The following COA6 variants were observed in gnomAD, a reference collection of about 807,000 sequenced individuals.
COA6 encodes cytochrome c oxidase assembly factor 6 homolog.
Under a neutral mutation model 17.1 loss-of-function variants are expected in COA6, and 12 were observed. The ratio of observed to expected loss-of-function variants is 0.70; its 90% CI spans 0.45 to 1.14. COA6 has a LOEUF of 1.14. COA6 is among the 50% of genes most tolerant of loss of function. The pLI, the probability that COA6 is intolerant of heterozygous loss-of-function variation, is 0.00. For missense variants in COA6, 246 were observed against 196.5 expected, an observed-to-expected ratio of 1.25 and a Z score of -1.51; for synonymous variants, 90 against 73.4, an observed-to-expected ratio of 1.23 and a Z score of -1.16.
rs143648286 is a variant in COA6, at chr1:234,373,792, G to T, written c.212+114G>T. On this transcript the variant is annotated intron_variant, in intron 1 of 2. Transcript: ENST00000366615. Reference sequence around the variant, plus strand: ...TGCAAAACGGGGTGGCACTCCAATCGCCTGCTTGGTGATTGTGGCCCCCAC... The same window carrying T: ...TGCAAAACGGGGTGGCACTCCAATCTCCTGCTTGGTGATTGTGGCCCCCAC... 4.6e-5 allele frequency: 74 copies of T among 1,613,596 alleles called. No homozygotes were observed. The highest frequency in any genetic ancestry group is 6.0e-5 in the Non-Finnish European group (71 of 1,180,052).
intron 2 of COA6, among the ~76,000 whole-genome samples, chr1:234,381,687 C>A (rs1179889453): frequency 6.6e-6 from 1 of 152,196 alleles, no homozygotes; most frequent in Non-Finnish European, 1.5e-5. Context: ...AGAGCTGTTA[C>A]AGCAACCCAA....
intron 2 of COA6, among the ~76,000 whole-genome samples, chr1:234,380,270 G>T (rs1270760234): frequency 6.6e-6 from 1 of 152,222 alleles, no homozygotes; most frequent in Non-Finnish European, 1.5e-5. Context: ...TAAGGGTGGG[G>T]AGGCACACGG....
intron 2 of COA6, among the ~76,000 whole-genome samples, chr1:234,378,978 C>G (rs959582526): frequency 6.7e-6 from 1 of 149,662 alleles, no homozygotes; most frequent in Non-Finnish European, 1.5e-5. Flanking sequence ...AGCCAAGAGA[C>G]GGGAGGCCAG....
chr1:234,380,249 A>G (rs966228466), intron 2 of COA6, among the ~76,000 whole-genome samples: 7 of 152,214 alleles, frequency 4.6e-5, no homozygotes, highest in African/African-American at 1.7e-4. Context: ...TTTTCCAGAG[A>G]TATGTGTGCA....
At position 234,373,934 on chromosome 1, in the gene COA6, C is replaced by T. The variant is rs1029199803; in HGVS notation, c.212+256C>T. 7.0e-6 allele frequency: 10 copies of T among 1,420,892 alleles called. No individual in the cohort carries two copies. In the African/African-American group the frequency reaches 1.3e-4, roughly 18 times the overall value. 88.0% of individuals were successfully genotyped at this position (1,420,892 alleles called of 1,614,324 possible). A position where few individuals can be genotyped will look rare whatever the true frequency, so the allele number is the denominator to read the frequency against. On this transcript the variant is annotated intron_variant, in intron 1 of 2. Transcript: ENST00000366615. Reference sequence around the variant, plus strand: ...AGAATAAATGAGCTGCCCTAAGCGACTGGGACAGAACCACAGTTCTCAGCC... The same window carrying T: ...AGAATAAATGAGCTGCCCTAAGCGATTGGGACAGAACCACAGTTCTCAGCC...
At position 234,384,796 on chromosome 1, in the gene COA6, T is replaced by C. The variant is rs1659080455; in HGVS notation, c.*978T>C. On this transcript the variant is annotated 3_prime_UTR_variant, in exon 3 of 3. Transcript: ENST00000366615. ...AAATAATAAAAATTTAAAAATCCAG[T>C]ATAACACCTATTTACATTGTATTAG... Among the ~76,000 whole-genome samples, 1 of 152,182 alleles carries C rather than the reference T, an allele frequency of 6.6e-6. No homozygotes were observed. Among genetic ancestry groups the C allele is most frequent in the African/African-American group, 2.4e-5 (1 of 41,442 alleles).
intron 1 of COA6, chr1:234,373,971 G>C: frequency 8.6e-7 from 1 of 1,168,174 alleles, no homozygotes; most frequent in Non-Finnish European, 1.2e-6. Flanking sequence ...GGCTTTCTGA[G>C]CCCACGCTGC....
intron 2 of COA6, among the ~76,000 whole-genome samples, chr1:234,383,036 AAGGGAGGGAGGGAGGGAGGG>A (rs770161579): frequency 2.0e-5 from 1 of 49,358 alleles, no homozygotes; most frequent in Non-Finnish European, 3.7e-5. Context: ...AGAGAGAAGG[AAGGGAGGGAGGGAGGGAGGG>A]AGGGAGGGAG....
chr1:234,382,172 A>C (rs187989450), intron 2 of COA6, among the ~76,000 whole-genome samples: 19 of 152,354 alleles, frequency 1.2e-4, no homozygotes, highest in Non-Finnish European at 8.8e-5. Context: ...TGACAACCTC[A>C]GTACAAAGCA....
chr1:234,378,277 T>A (rs1658867513), intron 2 of COA6, among the ~76,000 whole-genome samples: 1 of 152,180 alleles, frequency 6.6e-6, no homozygotes, highest in Non-Finnish European at 1.5e-5. Context: ...CACAAATATC[T>A]ATTGAGCACC....
At position 234,383,876 on chromosome 1, in the gene COA6, TG is replaced by T. The variant is rs1325262408; in HGVS notation, c.*60del. 1.2e-6 allele frequency: 1 copy of T among 839,160 alleles called. No individual in the cohort carries two copies. The highest frequency in any genetic ancestry group is 2.0e-6 in the Non-Finnish European group (1 of 501,096). 52.0% of individuals were successfully genotyped at this position (839,160 alleles called of 1,614,324 possible). On this transcript the variant is annotated 3_prime_UTR_variant, in exon 3 of 3. Transcript: ENST00000366615. ...GACATTGAAAAAGCTCCACTGACTA[TG>T]GAACAGTAATAGTTTGAATCATAGT...
At chr1:234,374,124 T>C in intron 1 of COA6, 106 bp from the exon 2 acceptor site, 2 of 1,187,012 alleles carry the variant, frequency 1.7e-6, no homozygotes, top group Non-Finnish European at 2.3e-6. Flanking sequence ...TTTTTTTTTT[T>C]TTTTTAGTTT....
intron 1 of COA6, 162 bp from the exon 2 acceptor site, chr1:234,374,068 A>G (rs1303327402): frequency 1.1e-6 from 1 of 910,686 alleles, no homozygotes; most frequent in Non-Finnish European, 1.6e-6. Flanking sequence ...GATTGGGTTC[A>G]GTTGCCTCAT....
chr1:234,378,533 T>C (rs914363777), intron 2 of COA6, among the ~76,000 whole-genome samples: 1 of 152,206 alleles, frequency 6.6e-6, no homozygotes. Flanking sequence ...GATAGGCAGA[T>C]ACCTGGTGAA....
intron 2 of COA6, among the ~76,000 whole-genome samples, chr1:234,374,851 A>T (rs1658742045): frequency 6.6e-6 from 1 of 152,218 alleles, no homozygotes; most frequent in Non-Finnish European, 1.5e-5. Context: ...CATATGGTGG[A>T]TTCTGTCTCC....
intron 2 of COA6, among the ~76,000 whole-genome samples, chr1:234,375,133 CAAAAA>C (rs11341337): frequency 2.2e-4 from 28 of 128,424 alleles, no homozygotes; most frequent in South Asian, 2.7e-4. Flanking sequence ...ACTAAAAATA[CAAAAA>C]AAAAAAAAAA....
At chr1:234,374,029 C>T in intron 1 of COA6, 1 of 916,194 alleles carries the variant, frequency 1.1e-6, no homozygotes, top group Non-Finnish European at 1.6e-6. Flanking sequence ...GCCTCAAGAG[C>T]GGGTGGCCTT....
At chr1:234,374,130 A>C in intron 1 of COA6, 100 bp from the exon 2 acceptor site, 3 of 815,710 alleles carry the variant, frequency 3.7e-6, no homozygotes, top group Non-Finnish European at 5.2e-6. Context: ...TTTTTTTTTT[A>C]GTTTTAAAGG....
At chr1:234,375,642 ATTACT>A (rs1248530106) in intron 2 of COA6, among the ~76,000 whole-genome samples, 1 of 152,056 alleles carries the variant, frequency 6.6e-6, no homozygotes, top group African/African-American at 2.4e-5. Context: ...GTGAACAGAA[ATTACT>A]TTATTTTTCT....
Sources: gnomAD v4.1 joint callset for allele counts (sites outside exome capture counted in the v4.1 genomes callset) on GRCh38, gnomAD v4.1.1 for gene constraint, MANE v1.5 for transcripts, NCBI Gene and HGNC (gene_info 2026-07-23, HGNC 2026-07-21) for gene names.